The following CERS3 variants were observed in gnomAD, a reference collection of about 807,000 sequenced individuals.
The protein encoded by CERS3 is ceramide synthase 3.
Under a neutral mutation model 50.3 loss-of-function variants are expected in CERS3, and 33 were observed. The observed-to-expected ratio is 0.66, with a 90% CI of 0.50 to 0.88. The LOEUF (loss-of-function observed/expected upper bound fraction) is 0.88. Ranked by LOEUF, CERS3 falls within the 40% of genes least tolerant of loss-of-function variation. The pLI, the probability that CERS3 is intolerant of heterozygous loss-of-function variation, is 0.00. For missense variants in CERS3, 470 were observed against 460.3 expected (o/e 1.02, Z -0.19); for synonymous variants, 176 against 155.2 (o/e 1.13, Z -0.99).
At chr15:100,407,025 G>A (rs768398527) in intron 11 of CERS3, among the ~76,000 whole-genome samples, 20 of 152,202 alleles carry the variant, frequency 1.3e-4, no homozygotes, top group Middle Eastern at 3.4e-3. Context: ...AGAACAGCAC[G>A]GGAAAGACCC....
At chr15:100,444,325 A>G (rs2033840454) in intron 11 of CERS3, among the ~76,000 whole-genome samples, 1 of 151,628 alleles carries the variant, frequency 6.6e-6, no homozygotes, top group South Asian at 2.1e-4. Context: ...GTCTCCCACA[A>G]TTACCATTGT....
chr15:100,458,331 T>A (rs1308023477), intron 10 of CERS3, among the ~76,000 whole-genome samples: 1 of 152,142 alleles, frequency 6.6e-6, no homozygotes, highest in Non-Finnish European at 1.5e-5. Context: ...ATGCCTGTAA[T>A]CCCAGCACTT....
chr15:100,403,663 A>G lies in CERS3; in HGVS notation c.1000-798T>C, dbSNP rs534163528. Among the ~76,000 whole-genome samples the G allele has an allele frequency of 2.0e-5, 3 of 152,368 alleles. No individual in the cohort carries two copies. The South Asian group carries it at 6.2e-4, about 32-fold the overall frequency. ...CTTAGATAAAATGGACCAATTTCTC[A>G]AAAACTACAAACTACTAAAACTTGC... On this transcript the variant is annotated intron_variant, in intron 11 of 11. Transcript: ENST00000679737.
rs771026389 is a variant in CERS3 at position 100,482,135 on chromosome 15, C to T, written c.408-2089G>A. ...ACACCAAAAAGTTGGAGAATTGCTG[C>T]ACTTCACTGAAAAGATGAATGATAA... On this transcript the variant is annotated intron_variant, in intron 5 of 11. Transcript: ENST00000679737. 2.2e-4 allele frequency among the ~76,000 whole-genome samples: 34 copies of T among 152,216 alleles called. 1 individual carries two copies. The highest frequency in any genetic ancestry group is 1.4e-3 in the Admixed American group (22 of 15,278).
At chr15:100,518,957 T>G (rs970531640) in intron 2 of CERS3, among the ~76,000 whole-genome samples, 1 of 151,714 alleles carries the variant, frequency 6.6e-6, no homozygotes, top group Admixed American at 6.6e-5. Flanking sequence ...AGGTCAGGAG[T>G]ACGAGACCAG....
chr15:100,493,937 T>A (rs1280339279), intron 3 of CERS3, among the ~76,000 whole-genome samples: 1 of 151,986 alleles, frequency 6.6e-6, no homozygotes, highest in Non-Finnish European at 1.5e-5. Context: ...TTTCTCCAGT[T>A]CTTTGAACAT....
chr15:100,414,288 A>G (rs1216547791), intron 11 of CERS3, among the ~76,000 whole-genome samples: 2 of 152,250 alleles, frequency 1.3e-5, no homozygotes, highest in Non-Finnish European at 2.9e-5. Flanking sequence ...GAAAACACAA[A>G]CAAATGGAAA....
intron 11 of CERS3, among the ~76,000 whole-genome samples, chr15:100,416,853 T>C (rs910711765): frequency 6.6e-6 from 1 of 152,070 alleles, no homozygotes; most frequent in Non-Finnish European, 1.5e-5. Context: ...ATCCAAAATC[T>C]ATAAGGATTC....
chr15:100,535,182 A>G (rs1219574009), intron 1 of CERS3, among the ~76,000 whole-genome samples: 1 of 152,166 alleles, frequency 6.6e-6, no homozygotes, highest in Non-Finnish European at 1.5e-5. Flanking sequence ...TGGCATCCAT[A>G]GTATATTTAA....
At position 100,535,032 on chromosome 15, in the gene CERS3, C is replaced by T. The variant is rs374684369; in HGVS notation, c.-354-5957G>A. On this transcript the variant is annotated intron_variant, in intron 1 of 12. Coordinates refer to the CERS3 transcript ENST00000284382. Reference sequence around the variant, plus strand: ...TACATGTGTTGATGTCTCATGTCTCCCTAAATTGTATAAAACCAAGCTGTG... The same window carrying T: ...TACATGTGTTGATGTCTCATGTCTCTCTAAATTGTATAAAACCAAGCTGTG... 5.5e-4 allele frequency among the ~76,000 whole-genome samples: 84 copies of T among 152,228 alleles called. 1 individual carries two copies. Among genetic ancestry groups the T allele is most frequent in the Middle Eastern group, 3.4e-3 (1 of 292 alleles).
chr15:100,456,080 C>T (rs1047254014), intron 10 of CERS3, 34 bp from the exon 11 acceptor site: 3 of 1,541,652 alleles, frequency 1.9e-6, no homozygotes, highest in Admixed American at 3.8e-5. Flanking sequence ...AATTTCATTA[C>T]AACCAAAGCA....
At chr15:100,512,523 G>T (rs1174514560) in intron 2 of CERS3, among the ~76,000 whole-genome samples, 1 of 152,140 alleles carries the variant, frequency 6.6e-6, no homozygotes, top group Non-Finnish European at 1.5e-5. Flanking sequence ...AGTTCCGCTG[G>T]TACCATAAAG....
intron 3 of CERS3, among the ~76,000 whole-genome samples, chr15:100,501,084 A>G (rs192786540): frequency 2.6e-4 from 39 of 152,364 alleles, no homozygotes; most frequent in African/African-American, 9.4e-4. Flanking sequence ...ATATCCATTT[A>G]AATTAAATCA....
chr15:100,508,725 C>T (rs1177662324), intron 2 of CERS3, among the ~76,000 whole-genome samples: 2 of 152,116 alleles, frequency 1.3e-5, no homozygotes, highest in African/African-American at 4.8e-5. Flanking sequence ...TAAAAATAAA[C>T]TCTGTTAACA....
chr15:100,497,378 G>T (rs57501171), intron 3 of CERS3, among the ~76,000 whole-genome samples: 1 of 151,608 alleles, frequency 6.6e-6, no homozygotes. Flanking sequence ...ATATATATAT[G>T]ACAGGGTTTT....
At chr15:100,431,414 C>T (rs2033125984) in intron 11 of CERS3, among the ~76,000 whole-genome samples, 1 of 152,074 alleles carries the variant, frequency 6.6e-6, no homozygotes, top group African/African-American at 2.4e-5. Flanking sequence ...ACAAAAGAAT[C>T]CCAATGTGCT....
chr15:100,542,656 T>C (rs1287732197), intron 1 of CERS3, among the ~76,000 whole-genome samples: 2 of 152,224 alleles, frequency 1.3e-5, no homozygotes, highest in African/African-American at 4.8e-5. Context: ...TAATTATTAC[T>C]ACCATAGGGC....
chr15:100,483,995 C>G (rs1449604201), intron 5 of CERS3, among the ~76,000 whole-genome samples: 1 of 151,546 alleles, frequency 6.6e-6, no homozygotes, highest in Non-Finnish European at 1.5e-5. Flanking sequence ...GTCTTGATCT[C>G]CTGACCACCT....
At chr15:100,404,270 T>A (rs1037474530) in intron 11 of CERS3, among the ~76,000 whole-genome samples, 1 of 152,236 alleles carries the variant, frequency 6.6e-6, no homozygotes, top group Non-Finnish European at 1.5e-5. Flanking sequence ...AGCACCAAAT[T>A]TGTAGAAATT....
Sources: allele counts gnomAD v4.1 joint callset (sites outside exome capture counted in the v4.1 genomes callset), GRCh38; gene constraint gnomAD v4.1.1; transcripts MANE v1.5; gene names NCBI Gene and HGNC (gene_info 2026-07-23, HGNC 2026-07-21).